PER2: variants seen among roughly 807,000 people sequenced by gnomAD.
PER2 encodes the protein period circadian regulator 2.
PER2 carries 66 observed loss-of-function variants against 121.0 expected under a neutral mutation model. The ratio of observed to expected loss-of-function variants is 0.55; its 90% CI spans 0.45 to 0.67. The LOEUF is 0.67. PER2 is among the 30% of genes least tolerant of loss of function. PER2 has a pLI of 0.00. For missense variants in PER2, 1,521 were observed against 1,635.0 expected, an observed-to-expected ratio of 0.93 and a Z score of 1.20; for synonymous variants, 684 against 659.9, an observed-to-expected ratio of 1.04 and a Z score of -0.56.
At position 238,261,627 on chromosome 2, in the gene PER2, T is replaced by G. The variant is rs564623048; in HGVS notation, c.1416+102A>C. 21 of 750,264 alleles carry G rather than the reference T, an allele frequency of 2.8e-5. No homozygotes were observed. The East Asian group carries it at 5.1e-4, about 18-fold the overall frequency. 46.5% of individuals were successfully genotyped at this position (750,264 alleles called of 1,614,324 possible). On this transcript the variant is annotated intron_variant, in intron 12 of 22. Coordinates refer to ENST00000254657, the MANE Select transcript of PER2 (RefSeq NM_022817.3). The stretch of plus-strand genomic sequence containing the variant: ...ATGTTCAGAGAATGACAGATGAAGC[T>G]GTCTGAGTGGGTGTGCCAGGACCAG...
chr2:238,259,925 T>C (rs573517563), intron 14 of PER2, 44 bp downstream of exon 14: 37 of 899,542 alleles, frequency 4.1e-5, no homozygotes, highest in African/African-American at 3.3e-4. Flanking sequence ...CATGTGGCCA[T>C]ACTCTAGTTT....
At chr2:238,266,239 C>G (rs1389569244) in intron 8 of PER2, among the ~76,000 whole-genome samples, 1 of 151,858 alleles carries the variant, frequency 6.6e-6, no homozygotes, top group Non-Finnish European at 1.5e-5. Context: ...CTACAGTGAT[C>G]TGACACATTA....
intron 16 of PER2, 64 bp downstream of exon 16, chr2:238,258,212 T>TCTGA: frequency 6.3e-7 from 1 of 1,577,244 alleles, no homozygotes; most frequent in Non-Finnish European, 8.7e-7. Flanking sequence ...CATGGGGACG[T>TCTGA]CTGACTCTAC....
In PER2 at chr2:238,246,215, G is replaced by C. The variant is rs759120200; in HGVS notation, c.*160C>G. 2 of 488,804 alleles carry C rather than the reference G, an allele frequency of 4.1e-6. No homozygotes were observed. The highest frequency in any genetic ancestry group is 3.6e-6 in the Non-Finnish European group (1 of 279,326). The allele number at this position is 488,804 out of a possible 1,614,324, so 30.3% of individuals were successfully genotyped here. A position where few individuals can be genotyped will look rare whatever the true frequency, so the allele number is the denominator to read the frequency against. On this transcript the variant is annotated 3_prime_UTR_variant, in exon 23 of 23. Coordinates refer to ENST00000254657, the MANE Select transcript of PER2 (RefSeq NM_022817.3). ...CTCTCCCCACTCTCCACAGTTTTAA[G>C]TCGCCCCTTCAGAAAACTATGTTGT...
Position 238,253,344 on chromosome 2 carries a change from G to T in PER2, c.2679C>A (p.Pro893=), listed in dbSNP as rs1348026990. 6.2e-7 allele frequency: 1 copy of T among 1,613,624 alleles called. No homozygotes were observed. The highest frequency in any genetic ancestry group is 8.5e-7 in the Non-Finnish European group (1 of 1,179,834). The change falls in exon 19 of 23, where the codon CCC becomes CCA. Residue 893 remains proline (P), a synonymous_variant. Coordinates refer to ENST00000254657, the MANE Select transcript of PER2 (RefSeq NM_022817.3). This position sits in a 1 kb window ranked among gnomAD's most constrained non-coding sequence, Gnocchi z 5.6. ...GCGCCAAAGGGGCAGGGAAAGGTGG[G>T]GGCTGGACTGCAAACTGGTGCTGGA... ...VDLQHQFAVQ[P]PPFPAPLAPV... is the part of the protein sequence containing the mutation.
intron 1 of PER2, among the ~76,000 whole-genome samples, chr2:238,286,717 A>C (rs949450402): frequency 2.0e-4 from 30 of 152,234 alleles, no homozygotes; most frequent in African/African-American, 7.2e-4. Flanking sequence ...ACTAAACGCC[A>C]AGTGGCCCTG....
intron 8 of PER2, among the ~76,000 whole-genome samples, chr2:238,267,300 A>G (rs1320110102): frequency 1.3e-5 from 2 of 152,218 alleles, no homozygotes; most frequent in African/African-American, 4.8e-5. Flanking sequence ...AGGACCCATC[A>G]AGGTGGCACA....
chr2:238,249,616 G>A (rs1447651707), intron 21 of PER2, among the ~76,000 whole-genome samples: 2 of 152,182 alleles, frequency 1.3e-5, no homozygotes, highest in Admixed American at 6.5e-5. Context: ...GCTGACCAGA[G>A]GACTTAGGGG....
At position 238,287,974 on chromosome 2, in the gene PER2, G is replaced by C. The variant is rs1696838505; in HGVS notation, c.-20+375C>G. Among the ~76,000 whole-genome samples the C allele has an allele frequency of 2.0e-5, 3 of 152,304 alleles. No individual in the cohort carries two copies. The South Asian group carries it at 6.2e-4, about 32-fold the overall frequency. Reference sequence around the variant, plus strand: ...AGTCCGGGGAAAGGGAATTAATACAGGGTGGTCCAGGGGAGGCAAAGGGGC... The same window carrying C: ...AGTCCGGGGAAAGGGAATTAATACACGGTGGTCCAGGGGAGGCAAAGGGGC... On this transcript the variant is annotated intron_variant, in intron 1 of 22. Transcript: ENST00000254657.
chr2:238,264,256 C>T (rs1322103306), intron 9 of PER2, among the ~76,000 whole-genome samples: 1 of 152,240 alleles, frequency 6.6e-6, no homozygotes, highest in Non-Finnish European at 1.5e-5. Context: ...GGCTGCTTTA[C>T]ATATACGGCC....
Position 238,253,319 on chromosome 2 carries a change from G to C in PER2, c.2704C>G (p.Pro902Ala). Residue 902 changes from proline (P) to alanine (A), a missense_variant, in exon 19 of 23, where the codon CCT (proline) becomes GCT (alanine). Transcript: ENST00000254657. The surrounding 1 kb of genome is among the most constrained non-coding windows in gnomAD (Gnocchi z 5.6). ...QPPPFPAPLA[P>A]VMAFMLPSYS... ...CTGGGTAGCATGAATGCCATGACAG[G>C]CGCCAAAGGGGCAGGGAAAGGTGGG... 6.2e-7 allele frequency: 1 copy of C among 1,613,756 alleles called. No individual in the cohort carries two copies. Among genetic ancestry groups the C allele is most frequent in the South Asian group, 1.1e-5 (1 of 91,012 alleles).
chr2:238,258,756 G>A, intron 14 of PER2, 112 bp from the exon 15 acceptor site: 1 of 1,083,518 alleles, frequency 9.2e-7, no homozygotes, highest in Non-Finnish European at 1.4e-6. Context: ...CTCAGAATCT[G>A]CTTCATGAGT....
chr2:238,267,087 A>C lies in PER2; in HGVS notation c.967+969T>G, dbSNP rs1696136266. 2.0e-5 allele frequency among the ~76,000 whole-genome samples: 3 copies of C among 150,876 alleles called. No individual in the cohort carries two copies. The East Asian group carries it at 5.8e-4, about 29-fold the overall frequency. ...AAAAAAAAAAGCTGTCATTCACCACAGAGAAGGTGGTGAACACAGCACAGC... is the reference window on the plus strand; with the variant it reads ...AAAAAAAAAAGCTGTCATTCACCACCGAGAAGGTGGTGAACACAGCACAGC... On this transcript the variant is annotated intron_variant, in intron 8 of 22. Coordinates refer to ENST00000254657, the MANE Select transcript of PER2 (RefSeq NM_022817.3).
chr2:238,289,889 T>G (rs1490440905), upstream of PER2: 1 of 152,284 alleles, frequency 6.6e-6, no homozygotes, highest in Non-Finnish European at 1.5e-5. Context: ...GGTAGAAGCC[T>G]GAGACTTACA....
At chr2:238,264,983 G>A (rs1696049191) in intron 9 of PER2, among the ~76,000 whole-genome samples, 1 of 152,182 alleles carries the variant, frequency 6.6e-6, no homozygotes, top group Non-Finnish European at 1.5e-5. Flanking sequence ...TGGAGGAGCT[G>A]GGAGAAGATG....
At chr2:238,277,656 C>T (rs1263735619) in intron 2 of PER2, 51 bp downstream of exon 2, 1 of 1,601,614 alleles carries the variant, frequency 6.2e-7, no homozygotes, top group Non-Finnish European at 8.5e-7. Flanking sequence ...AGAAATGAGC[C>T]ACTGAGAAAA....
intron 1 of PER2, among the ~76,000 whole-genome samples, chr2:238,281,064 C>T (rs977989327): frequency 5.3e-5 from 8 of 149,722 alleles, no homozygotes; most frequent in Admixed American, 1.3e-4. Context: ...AGTGCAGTGG[C>T]GCAATCTCGG....
At chr2:238,256,587 C>T (rs1559325251) in intron 17 of PER2, among the ~76,000 whole-genome samples, 1 of 152,152 alleles carries the variant, frequency 6.6e-6, no homozygotes, top group Non-Finnish European at 1.5e-5. Context: ...CCAGGCCTGC[C>T]CAGGGAAGAG....
At chr2:238,280,828 A>G (rs751502869) in intron 1 of PER2, among the ~76,000 whole-genome samples, 3 of 152,194 alleles carry the variant, frequency 2.0e-5, no homozygotes, top group Non-Finnish European at 4.4e-5. Flanking sequence ...TGCCAATCAA[A>G]GGACAAGAGT....
Sources: gnomAD v4.1 joint callset for allele counts (sites outside exome capture counted in the v4.1 genomes callset) on GRCh38, gnomAD v4.1.1 for gene constraint, Gnocchi (gnomAD v3.1) non-coding constraint, MANE v1.5 for transcripts, NCBI Gene and HGNC (gene_info 2026-07-23, HGNC 2026-07-21) for gene names.